PLA2G4A: variants seen among roughly 807,000 people sequenced by gnomAD.
PLA2G4A encodes cytosolic phospholipase A2.
Under a neutral mutation model 81.9 loss-of-function variants are expected in PLA2G4A, and 40 were observed. That is an observed-to-expected ratio of 0.49 (90% CI 0.38 to 0.64). The LOEUF (loss-of-function observed/expected upper bound fraction) is 0.64. PLA2G4A is among the 30% of genes least tolerant of loss of function. PLA2G4A has a pLI of 0.00. For synonymous variants in PLA2G4A, 302 were observed against 296.9 expected (o/e 1.02, Z -0.18); for missense variants, 715 against 905.1 (o/e 0.79, Z 2.69).
chr1:186,882,183 A>G (rs768131449), intron 3 of PLA2G4A, among the ~76,000 whole-genome samples: 10 of 152,098 alleles, frequency 6.6e-5, no homozygotes, highest in Non-Finnish European at 1.3e-4. Context: ...TTTTTATTTT[A>G]TGCAGATGTA....
chr1:186,936,449 G>A (rs1044546566), intron 8 of PLA2G4A, among the ~76,000 whole-genome samples: 1 of 151,928 alleles, frequency 6.6e-6, no homozygotes, highest in Non-Finnish European at 1.5e-5. Context: ...ACTGAATGAA[G>A]AGATGTGTTA....
chr1:186,887,696 G>A lies in PLA2G4A; in HGVS notation c.116-5315G>A, dbSNP rs543976532. ...GTTAATTGACAAAGCCATGAAATAA[G>A]TATAATGTACAGGAAAAAACAAATT... On this transcript the variant is annotated intron_variant, in intron 3 of 17. Coordinates refer to ENST00000367466, the MANE Select transcript of PLA2G4A (RefSeq NM_024420.3). Among the ~76,000 whole-genome samples the A allele has an allele frequency of 2.0e-5, 3 of 152,260 alleles. No homozygotes were observed. In the South Asian group the frequency reaches 6.2e-4, roughly 32 times the overall value.
chr1:186,886,003 A>G (rs1216850098), intron 3 of PLA2G4A, among the ~76,000 whole-genome samples: 1 of 152,052 alleles, frequency 6.6e-6, no homozygotes, highest in Non-Finnish European at 1.5e-5. Flanking sequence ...TGTAGCCAAT[A>G]AAATATATTG....
chr1:186,967,066 G>A (rs891914206), intron 15 of PLA2G4A, among the ~76,000 whole-genome samples: 2 of 152,134 alleles, frequency 1.3e-5, no homozygotes, highest in Non-Finnish European at 2.9e-5. Context: ...AAATGGAACA[G>A]TTCATGATCT....
At chr1:186,928,185 C>T (rs1294831990) in intron 7 of PLA2G4A, among the ~76,000 whole-genome samples, 1 of 152,084 alleles carries the variant, frequency 6.6e-6, no homozygotes, top group Non-Finnish European at 1.5e-5. Flanking sequence ...CCAAGGGACC[C>T]AGACTGCACT....
chr1:186,918,895 G>T (rs1025209547), intron 7 of PLA2G4A, among the ~76,000 whole-genome samples: 3 of 152,206 alleles, frequency 2.0e-5, no homozygotes, highest in Non-Finnish European at 4.4e-5. Flanking sequence ...TTGCCCAAGG[G>T]TTAGTTTATC....
In PLA2G4A at chr1:186,932,187, G is replaced by A. The variant is rs139333751; in HGVS notation, c.559-576G>A. Among the ~76,000 whole-genome samples the A allele has an allele frequency of 3.9e-3, 599 of 151,930 alleles. 3 individuals carry two copies. The highest frequency in any genetic ancestry group is 0.014 in the African/African-American group (581 of 41,422). Reference sequence around the variant, plus strand: ...TTGCAAAATGTTGAACAAATATAGAGTATTATTGTTATTATTAAATAGAGT... The same window carrying A: ...TTGCAAAATGTTGAACAAATATAGAATATTATTGTTATTATTAAATAGAGT... On this transcript the variant is annotated intron_variant, in intron 7 of 17. Coordinates refer to ENST00000367466, the MANE Select transcript of PLA2G4A (RefSeq NM_024420.3).
chr1:186,843,253 A>C (rs987337566), intron 1 of PLA2G4A, among the ~76,000 whole-genome samples: 8 of 152,340 alleles, frequency 5.3e-5, no homozygotes, highest in African/African-American at 1.9e-4. Flanking sequence ...GGAAATGTTT[A>C]ACAAGTGTGG....
rs1571392612 is a variant in PLA2G4A, at chr1:186,911,324, A to AT, written c.494dup (p.Arg166LysfsTer13). The AT allele has an allele frequency of 1.2e-6, 2 of 1,609,282 alleles. No individual in the cohort carries two copies. Among genetic ancestry groups the AT allele is most frequent in the Middle Eastern group, 1.7e-4 (1 of 6,048 alleles). On this transcript the variant is annotated frameshift_variant, in exon 7 of 18. Coordinates refer to ENST00000367466, the MANE Select transcript of PLA2G4A (RefSeq NM_024420.3). LOFTEE classifies it high-confidence loss of function. ...TTTCAGACAACAGAGAAAAGAACAC[A>AT]TAAGGGAGAGCATGAAGAAACTCTT... is the stretch of plus-strand genomic sequence containing the variant.
intron 6 of PLA2G4A, 137 bp downstream of exon 6, chr1:186,907,139 T>C: frequency 3.3e-6 from 2 of 614,532 alleles, no homozygotes; most frequent in South Asian, 4.1e-5. Flanking sequence ...TTGCTTTTCT[T>C]TAGTTGTCTG....
At chr1:186,949,119 A>T (rs1365575092) in intron 12 of PLA2G4A, among the ~76,000 whole-genome samples, 1 of 152,182 alleles carries the variant, frequency 6.6e-6, no homozygotes, top group Non-Finnish European at 1.5e-5. Flanking sequence ...TGAGAGATGG[A>T]GTTGTACATT....
intron 3 of PLA2G4A, among the ~76,000 whole-genome samples, chr1:186,891,380 C>T (rs1194259272): frequency 6.6e-6 from 1 of 151,698 alleles, no homozygotes; most frequent in Non-Finnish European, 1.5e-5. Context: ...GTTGTGTTAT[C>T]AAATAGCAAG....
At chr1:186,966,687 T>C (rs1242124960) in intron 15 of PLA2G4A, among the ~76,000 whole-genome samples, 2 of 152,162 alleles carry the variant, frequency 1.3e-5, no homozygotes, top group Non-Finnish European at 1.5e-5. Flanking sequence ...ACACGCTTTG[T>C]TCCCTCTGCC....
At chr1:186,840,464 G>A (rs779158889) in intron 1 of PLA2G4A, among the ~76,000 whole-genome samples, 8 of 152,200 alleles carry the variant, frequency 5.3e-5, no homozygotes, top group Non-Finnish European at 1.0e-4. Context: ...TTCAGGAACT[G>A]TAGAATGCTG....
intron 13 of PLA2G4A, among the ~76,000 whole-genome samples, chr1:186,953,212 A>C (rs1292969499): frequency 1.3e-5 from 2 of 152,192 alleles, no homozygotes; most frequent in African/African-American, 2.4e-5. Flanking sequence ...TTGTTGCTCC[A>C]CATCTTTTAA....
intron 13 of PLA2G4A, 22 bp from the exon 14 acceptor site, chr1:186,956,080 G>A: frequency 6.2e-7 from 1 of 1,609,198 alleles, no homozygotes. Flanking sequence ...AGTCTGTATG[G>A]TGACCTTTTA....
chr1:186,911,504 GT>G, intron 7 of PLA2G4A, 115 bp downstream of exon 7: 1 of 807,826 alleles, frequency 1.2e-6, no homozygotes, highest in Non-Finnish European at 2.1e-6. Context: ...TATTCCTTTA[GT>G]TTTTTAAGGT....
intron 1 of PLA2G4A, among the ~76,000 whole-genome samples, chr1:186,852,029 C>T (rs1652392019): frequency 6.6e-6 from 1 of 151,918 alleles, no homozygotes; most frequent in South Asian, 2.1e-4. Context: ...GAGCAAAATG[C>T]TTTAGTGTAA....
At chr1:186,863,745 T>C (rs1458065960) in intron 2 of PLA2G4A, among the ~76,000 whole-genome samples, 5 of 145,616 alleles carry the variant, frequency 3.4e-5, no homozygotes, top group Admixed American at 1.4e-4. Flanking sequence ...TATTTGTTTT[T>C]CTGTGCAAAT....
Sources: gnomAD v4.1 joint callset for allele counts (sites outside exome capture counted in the v4.1 genomes callset) on GRCh38, gnomAD v4.1.1 for gene constraint, MANE v1.5 for transcripts, NCBI Gene and HGNC (gene_info 2026-07-23, HGNC 2026-07-21) for gene names.